The following NUP62CL variants were observed in gnomAD, a reference collection of about 807,000 sequenced individuals.
NUP62CL encodes the protein nucleoporin 62 C-terminal like.
NUP62CL carries 13 observed loss-of-function variants against 15.3 expected under a neutral mutation model. The ratio of observed to expected loss-of-function variants is 0.85; its 90% CI spans 0.55 to 1.35. NUP62CL has a LOEUF of 1.35. NUP62CL is among the 40% of genes most tolerant of loss of function. The probability of loss-of-function intolerance (pLI) is 0.00; values close to 1 mark genes in which losing one functional copy is unlikely to be tolerated. For synonymous variants in NUP62CL, 54 were observed against 49.2 expected (o/e 1.10, Z -0.41); for missense variants, 123 against 130.6 (o/e 0.94, Z 0.28).
intron 2 of NUP62CL, among the ~76,000 whole-genome samples, chrX:107,187,896 C>A (rs1246986033): frequency 1.8e-5 from 2 of 112,419 alleles, no homozygotes; most frequent in Non-Finnish European, 3.8e-5. Context: ...ACATAAACGA[C>A]CACAATTCAT....
At chrX:107,164,182 G>C (rs766064247) in intron 4 of NUP62CL, among the ~76,000 whole-genome samples, 2 of 111,521 alleles carry the variant, frequency 1.8e-5, no homozygotes, top group Non-Finnish European at 3.8e-5. Flanking sequence ...TCAAAGTAGC[G>C]ATCAATACAG....
chrX:107,183,665 A>T (rs1926969752), intron 2 of NUP62CL, among the ~76,000 whole-genome samples: 1 of 110,849 alleles, frequency 9.0e-6, no homozygotes, highest in Non-Finnish European at 1.9e-5. Context: ...AGCCCTAACA[A>T]AAAAGTCTGC....
intron 1 of NUP62CL, among the ~76,000 whole-genome samples, chrX:107,195,105 G>A (rs143634587): frequency 0.016 from 1,777 of 110,830 alleles, 49 homozygotes; most frequent in African/African-American, 0.055. Context: ...ATAAGCCACC[G>A]TGCCAGGCCC....
At chrX:107,127,684 G>A (rs1325646474) in intron 8 of NUP62CL, among the ~76,000 whole-genome samples, 2 of 110,949 alleles carry the variant, frequency 1.8e-5, no homozygotes, top group Non-Finnish European at 3.8e-5. Flanking sequence ...ATTATTAGAT[G>A]AGATTAAATT....
rs748812368 is a variant in NUP62CL at position 107,184,426 on chromosome X, T to C, written c.-48+8603A>G. On this transcript the variant is annotated intron_variant, in intron 2 of 8. Transcript: ENST00000372466. ...AGCAAAAATTTTAGAATGAAAAATT[T>C]GTAATAGATGAAATGCAAAGGTTGG... 1.1e-4 allele frequency among the ~76,000 whole-genome samples: 12 copies of C among 110,897 alleles called. No homozygotes were observed. The South Asian group carries it at 4.2e-3, about 39-fold the overall frequency.
chrX:107,158,484 G>A (rs1473873495), intron 4 of NUP62CL, among the ~76,000 whole-genome samples: 112 of 72,349 alleles, frequency 1.5e-3, no homozygotes, highest in African/African-American at 9.1e-3. Context: ...CTCACTCAAA[G>A]CCACTCAACT....
chrX:107,166,142 T>C (rs1388286924), intron 4 of NUP62CL, among the ~76,000 whole-genome samples: 2 of 111,606 alleles, frequency 1.8e-5, no homozygotes, highest in Admixed American at 9.5e-5. Flanking sequence ...TTAAAGAATA[T>C]ACTTATGAGC....
At chrX:107,201,419 T>G (rs1283075750) in intron 1 of NUP62CL, among the ~76,000 whole-genome samples, 1 of 111,018 alleles carries the variant, frequency 9.0e-6, no homozygotes, top group Admixed American at 9.7e-5. Context: ...AATTACTCTA[T>G]TCTAGGTACC....
chrX:107,168,340 C>T (rs747722009), intron 3 of NUP62CL, among the ~76,000 whole-genome samples: 5 of 111,154 alleles, frequency 4.5e-5, no homozygotes, highest in Non-Finnish European at 7.6e-5. Context: ...TTTCTTTATA[C>T]CACAGCCAAT....
chrX:107,138,472 A>G (rs1207389938), intron 8 of NUP62CL, among the ~76,000 whole-genome samples: 1 of 112,147 alleles, frequency 8.9e-6, no homozygotes, highest in Non-Finnish European at 1.9e-5. Context: ...ACAGTAAAAA[A>G]TAAACAATTT....
At chrX:107,203,904 A>G (rs2147820770) in intron 1 of NUP62CL, among the ~76,000 whole-genome samples, 1 of 111,496 alleles carries the variant, frequency 9.0e-6, no homozygotes, top group African/African-American at 3.3e-5. Context: ...TACTCTATAT[A>G]AAAGAATTAG....
intron 3 of NUP62CL, among the ~76,000 whole-genome samples, chrX:107,171,730 T>G (rs1460979408): frequency 9.0e-6 from 1 of 110,877 alleles, no homozygotes; most frequent in Non-Finnish European, 1.9e-5. Context: ...CATATCATGG[T>G]GCTAAGGGAT....
chrX:107,142,962 G>A (rs1045184058), intron 8 of NUP62CL, among the ~76,000 whole-genome samples: 1 of 111,384 alleles, frequency 9.0e-6, no homozygotes, highest in African/African-American at 3.3e-5. Flanking sequence ...TGATCGGGAG[G>A]AAAAAAGGCA....
intron 4 of NUP62CL, among the ~76,000 whole-genome samples, chrX:107,154,612 C>T (rs1926129550): frequency 9.0e-6 from 1 of 111,619 alleles, no homozygotes; most frequent in South Asian, 3.8e-4. Flanking sequence ...CTCTCTCCCC[C>T]AGCTCTTAGT....
At chrX:107,178,819 ATG>A (rs1926845061) in intron 2 of NUP62CL, among the ~76,000 whole-genome samples, 1 of 111,551 alleles carries the variant, frequency 9.0e-6, no homozygotes, top group South Asian at 3.7e-4. Flanking sequence ...GAAGAACCAT[ATG>A]TACACTTTTA....
At chrX:107,160,507 T>C (rs201549121) in intron 4 of NUP62CL, among the ~76,000 whole-genome samples, 31,620 of 107,394 alleles carry the variant, frequency 0.29, 5,069 homozygotes, top group African/African-American at 0.55. Context: ...CTTTGACAAA[T>C]CTGAGAAAAA....
intron 4 of NUP62CL, among the ~76,000 whole-genome samples, chrX:107,155,904 C>T (rs937983829): frequency 1.8e-5 from 2 of 111,721 alleles, no homozygotes; most frequent in Non-Finnish European, 3.8e-5. Flanking sequence ...AGACAGTGGG[C>T]GCAGGCCAGT....
intron 4 of NUP62CL, among the ~76,000 whole-genome samples, chrX:107,161,062 C>T (rs2147803453): frequency 9.0e-6 from 1 of 111,220 alleles, no homozygotes; most frequent in African/African-American, 3.3e-5. Context: ...CAGAGAAATG[C>T]AAATCAAAAC....
At chrX:107,175,022 T>C in intron 3 of NUP62CL, 67 bp downstream of exon 3, 4 of 830,350 alleles carry the variant, frequency 4.8e-6, no homozygotes, top group Non-Finnish European at 7.2e-6. Context: ...CTGTAGCATA[T>C]ACTGGCAAAC....
Sources: gnomAD v4.1 joint callset for allele counts (sites outside exome capture counted in the v4.1 genomes callset) on GRCh38, gnomAD v4.1.1 for gene constraint, MANE v1.5 for transcripts, NCBI Gene and HGNC (gene_info 2026-07-23, HGNC 2026-07-21) for gene names.